Variants in GPCPD1 observed in about 807,000 individuals in gnomAD.
GPCPD1 encodes glycerophosphocholine phosphodiesterase GPCPD1.
GPCPD1 carries 29 observed loss-of-function variants against 89.2 expected under a neutral mutation model. That is an observed-to-expected ratio of 0.33 (90% CI 0.24 to 0.44). The LOEUF (loss-of-function observed/expected upper bound fraction) is 0.44. Among genes scored for constraint, GPCPD1 ranks in the 20% least tolerant of loss-of-function variants. The pLI, the probability that GPCPD1 is intolerant of heterozygous loss-of-function variation, is 1.00. For missense variants in GPCPD1, 594 were observed against 808.9 expected (o/e 0.73, Z 3.22); for synonymous variants, 258 against 266.3 (o/e 0.97, Z 0.30).
chr20:5,580,278 T>C (rs1978365116), intron 6 of GPCPD1, 147 bp from the exon 7 acceptor site: 2 of 495,502 alleles, frequency 4.0e-6, no homozygotes, highest in Non-Finnish European at 7.3e-6. Flanking sequence ...TGAGATCTAA[T>C]CCATGATTTG....
intron 5 of GPCPD1, 106 bp from the exon 6 acceptor site, chr20:5,584,428 C>T (rs1978771216): frequency 3.4e-6 from 2 of 587,184 alleles, no homozygotes; most frequent in African/African-American, 3.8e-5. Flanking sequence ...ATTAAATCTA[C>T]AGCTTAAAAG....
intron 19 of GPCPD1, among the ~76,000 whole-genome samples, chr20:5,554,985 G>C (rs1452647469): frequency 6.6e-6 from 1 of 152,142 alleles, no homozygotes; most frequent in African/African-American, 2.4e-5. Flanking sequence ...CTGCAGATGT[G>C]GTGGAAATAG....
rs1481544727 is a variant in GPCPD1 at position 5,605,340 on chromosome 20, GA to G, written c.-28-901del. Among the ~76,000 whole-genome samples, 3 of 152,030 alleles carry G rather than the reference GA, an allele frequency of 2.0e-5. No individual in the cohort carries two copies. In the East Asian group the frequency reaches 5.8e-4, roughly 29 times the overall value. On this transcript the variant is annotated intron_variant, in intron 1 of 19. Coordinates refer to ENST00000379019, the MANE Select transcript of GPCPD1 (RefSeq NM_019593.5). ...TAGAGAAGAAAAACAACTATAGAGA[GA>G]AAAAAGCTTCACTTAATGAATTTCT...
chr20:5,547,593 TCA>T lies in GPCPD1; in HGVS notation c.*66_*67del. The T allele has an allele frequency of 6.5e-6, 5 of 770,970 alleles. No individual in the cohort carries two copies. In the South Asian group the frequency reaches 9.2e-5, roughly 14 times the overall value. 47.8% of individuals were successfully genotyped at this position (770,970 alleles called of 1,614,324 possible). A position where few individuals can be genotyped will look rare whatever the true frequency, so the allele number is the denominator to read the frequency against. On this transcript the variant is annotated 3_prime_UTR_variant, in exon 20 of 20. Coordinates refer to ENST00000379019, the MANE Select transcript of GPCPD1 (RefSeq NM_019593.5). ...CCCAAAAGGCATAGATCAACAATGCTCAGTGATGAAAAATGAATACCCAGAAC... is the reference window on the plus strand; with the variant it reads ...CCCAAAAGGCATAGATCAACAATGCTGTGATGAAAAATGAATACCCAGAAC...
chr20:5,572,892 G>C (rs1600743312), intron 11 of GPCPD1, among the ~76,000 whole-genome samples: 1 of 151,806 alleles, frequency 6.6e-6, no homozygotes, highest in Non-Finnish European at 1.5e-5. Flanking sequence ...TTTTAAAAGA[G>C]ATAGAGTCCA....
chr20:5,596,210 T>G (rs1247957984), intron 3 of GPCPD1, among the ~76,000 whole-genome samples: 2 of 151,938 alleles, frequency 1.3e-5, no homozygotes, highest in Non-Finnish European at 2.9e-5. Context: ...ACAGCCTAGG[T>G]CTCAACACAG....
intron 3 of GPCPD1, among the ~76,000 whole-genome samples, chr20:5,596,489 G>A (rs537425893): frequency 2.4e-4 from 36 of 152,326 alleles, no homozygotes; most frequent in African/African-American, 8.4e-4. Flanking sequence ...TAGTCATATG[G>A]TGGTTTAGTG....
chr20:5,575,948 C>A lies in GPCPD1; in HGVS notation c.736G>T (p.Asp246Tyr). The A allele has an allele frequency of 6.2e-7, 1 of 1,602,006 alleles. No individual in the cohort carries two copies. Among genetic ancestry groups the A allele is most frequent in the Non-Finnish European group, 8.5e-7 (1 of 1,171,390 alleles). Residue 246 changes from aspartate to tyrosine, a missense_variant, in exon 9 of 20, where the codon GAT (aspartate) becomes TAT (tyrosine). Coordinates refer to ENST00000379019, the MANE Select transcript of GPCPD1 (RefSeq NM_019593.5). ...EDLSEHVVQG[D>Y]ALPGHVGTAC... is the part of the protein sequence containing the mutation. The stretch of plus-strand genomic sequence containing the variant: ...GTACCCACATGTCCAGGAAGGGCAT[C>A]ACCCTGAACTACGTGCTCACTGAGA...
At chr20:5,557,202 G>C (rs1439520991) in intron 19 of GPCPD1, among the ~76,000 whole-genome samples, 1 of 152,162 alleles carries the variant, frequency 6.6e-6, no homozygotes, top group Non-Finnish European at 1.5e-5. Context: ...AGAAAACTGT[G>C]GGAGAGTTTT....
chr20:5,573,629 A>C (rs1006499289), intron 11 of GPCPD1, among the ~76,000 whole-genome samples: 1 of 152,148 alleles, frequency 6.6e-6, no homozygotes, highest in Admixed American at 6.5e-5. Flanking sequence ...CTCTAGTCCC[A>C]CTACTACGGA....
chr20:5,605,763 A>C (rs927145287), intron 1 of GPCPD1, among the ~76,000 whole-genome samples: 17 of 151,904 alleles, frequency 1.1e-4, no homozygotes, highest in Admixed American at 1.0e-3. Context: ...AAAAGAAAAA[A>C]CTTTCTACAC....
chr20:5,596,059 G>A (rs1237653197), intron 3 of GPCPD1, among the ~76,000 whole-genome samples: 3 of 152,092 alleles, frequency 2.0e-5, no homozygotes, highest in Non-Finnish European at 1.5e-5. Context: ...GATGAAGAAG[G>A]CAAAGCAGTG....
At chr20:5,601,006 A>T (rs1253392718) in intron 2 of GPCPD1, among the ~76,000 whole-genome samples, 1 of 151,800 alleles carries the variant, frequency 6.6e-6, no homozygotes, top group Non-Finnish European at 1.5e-5. Flanking sequence ...AATTTTTTTT[A>T]AATAAAATAG....
intron 4 of GPCPD1, among the ~76,000 whole-genome samples, chr20:5,590,550 A>AAAAAAAAAAAAAAAAG (rs1979256475): frequency 6.6e-6 from 1 of 151,204 alleles, no homozygotes; most frequent in East Asian, 1.9e-4. Context: ...CTCAAAAAAA[A>AAAAAAAAAAAAAAAAG]AAATCTCTAT....
At chr20:5,582,186 CAAAAAAAAAAAAAAAAA>C (rs1164754193) in intron 6 of GPCPD1, among the ~76,000 whole-genome samples, 62 of 36,282 alleles carry the variant, frequency 1.7e-3, no homozygotes, top group African/African-American at 5.9e-3. Flanking sequence ...ACTCCCGTCT[CAAAAAAAAAAAAAAAAA>C]AAAAAAAAAA....
chr20:5,577,490 GAAA>G (rs763705757), intron 8 of GPCPD1, among the ~76,000 whole-genome samples: 7 of 59,798 alleles, frequency 1.2e-4, no homozygotes, highest in Admixed American at 3.8e-4. Context: ...CCTCTCTCCA[GAAA>G]AAAAAAAAAA....
intron 1 of GPCPD1, among the ~76,000 whole-genome samples, chr20:5,605,671 A>T (rs982836503): frequency 1.3e-5 from 2 of 152,120 alleles, no homozygotes; most frequent in Non-Finnish European, 1.5e-5. Context: ...TCAGCTACTC[A>T]GGAGGCTGAG....
intron 13 of GPCPD1, among the ~76,000 whole-genome samples, chr20:5,566,980 G>T (rs1343846786): frequency 6.7e-6 from 1 of 150,104 alleles, no homozygotes; most frequent in African/African-American, 2.5e-5. Flanking sequence ...AATTAGGGAA[G>T]AATATAAAAA....
In GPCPD1 at chr20:5,547,064, G is replaced by C. The variant is rs998596292; in HGVS notation, c.*597C>G. 6.6e-6 allele frequency: 1 copy of C among 152,462 alleles called. No individual in the cohort carries two copies. The highest frequency in any genetic ancestry group is 2.4e-5 in the African/African-American group (1 of 41,384). 9.4% of individuals were successfully genotyped at this position (152,462 alleles called of 1,614,324 possible). On this transcript the variant is annotated 3_prime_UTR_variant, in exon 20 of 20. Coordinates refer to ENST00000379019, the MANE Select transcript of GPCPD1 (RefSeq NM_019593.5). The stretch of plus-strand genomic sequence containing the variant: ...TTGAAAGATTTATGAAACAAGTTTC[G>C]AGGTTCACCTTCAGGCTGGTTTGGT...
Sources: gnomAD v4.1 joint callset for allele counts (sites outside exome capture counted in the v4.1 genomes callset) on GRCh38, gnomAD v4.1.1 for gene constraint, MANE v1.5 for transcripts, NCBI Gene and HGNC (gene_info 2026-07-23, HGNC 2026-07-21) for gene names.